Variants in RIMS2 observed in about 807,000 individuals in gnomAD.
RIMS2 encodes regulating synaptic membrane exocytosis protein 2.
In RIMS2, 59 loss-of-function variants were observed where a neutral mutation model predicts 174.4. That is an observed-to-expected ratio of 0.34 (90% CI 0.27 to 0.42). The LOEUF is 0.42. RIMS2 is among the 10% of genes least tolerant of loss of function. RIMS2 has a pLI of 1.00. For synonymous variants in RIMS2, 606 were observed against 572.5 expected, an observed-to-expected ratio of 1.06 and a Z score of -0.84; for missense variants, 1,620 against 1,666.3, an observed-to-expected ratio of 0.97 and a Z score of 0.48.
chr8:103,910,646 ATTTCTTAAGGT>A (rs1271049883), intron 5 of RIMS2, 117 bp downstream of exon 8: 1 of 600,474 alleles, frequency 1.7e-6, no homozygotes, highest in East Asian at 2.8e-5. Flanking sequence ...TCACTGTAGC[ATTTCTTAAGGT>A]GCAGAAAAGA....
At chr8:104,013,673 AT>A in intron 18 of RIMS2, 52 bp downstream of exon 20, 1 of 1,483,842 alleles carries the variant, frequency 6.7e-7, no homozygotes, top group Non-Finnish European at 9.4e-7. Context: ...CCAGCACACC[AT>A]TTTATTTTCC....
At chr8:103,652,657 A>G (rs2096473079) in intron 1 of RIMS2, 3 of 1,350,840 alleles carry the variant, frequency 2.2e-6, no homozygotes, top group Non-Finnish European at 2.9e-6. Context: ...CTGAACTGGT[A>G]AATAACGTTC....
chr8:103,644,335 A>G lies in RIMS2; in HGVS notation c.177-52751A>G, dbSNP rs142048819. On this transcript the variant is annotated intron_variant, in intron 1 of 23. Transcript: ENST00000504942. The stretch of plus-strand genomic sequence containing the variant: ...GGCAGCAGTTTGTGAGGTCACATTA[A>G]TTTCTTGATGACGCTAACAAGAGTT... Among the ~76,000 whole-genome samples, 204 of 152,182 alleles carry G rather than the reference A, an allele frequency of 1.3e-3. 1 individual carries two copies. Among genetic ancestry groups the G allele is most frequent in the African/African-American group, 4.6e-3 (191 of 41,540 alleles).
intron 3 of RIMS2, among the ~76,000 whole-genome samples, chr8:103,793,408 C>G (rs200600515): frequency 6.6e-6 from 1 of 152,042 alleles, no homozygotes; most frequent in East Asian, 1.9e-4. Flanking sequence ...TCTCAATAAA[C>G]TAGGTATAGA....
chr8:103,560,644 G>T (rs990939529), intron 1 of RIMS2, among the ~76,000 whole-genome samples: 1 of 152,166 alleles, frequency 6.6e-6, no homozygotes, highest in Non-Finnish European at 1.5e-5. Context: ...AAGTAATTGG[G>T]CTGTGTGTCA....
chr8:103,565,118 CATT>C (rs1443740504), intron 1 of RIMS2, among the ~76,000 whole-genome samples: 4 of 152,296 alleles, frequency 2.6e-5, no homozygotes, highest in Non-Finnish European at 5.9e-5. Context: ...CATTGTTTCT[CATT>C]AAGATTTACA....
At chr8:104,089,047 G>GCT (rs2097584809) in intron 19 of RIMS2, among the ~76,000 whole-genome samples, 1 of 151,822 alleles carries the variant, frequency 6.6e-6, no homozygotes, top group South Asian at 2.1e-4. Flanking sequence ...ACATTAAAAT[G>GCT]TTGTCCGGAA....
intron 19 of RIMS2, among the ~76,000 whole-genome samples, chr8:104,033,022 G>C (rs2096434205): frequency 6.6e-6 from 1 of 151,882 alleles, no homozygotes; most frequent in Non-Finnish European, 1.5e-5. Flanking sequence ...AGGATGCTTT[G>C]AGAAAATGTA....
intron 11 of RIMS2, among the ~76,000 whole-genome samples, chr8:103,929,923 G>C (rs1222982750): frequency 6.6e-6 from 1 of 151,808 alleles, no homozygotes; most frequent in Non-Finnish European, 1.5e-5. Flanking sequence ...TGCACTTGAG[G>C]ATCACCAGAG....
intron 8 of RIMS2, among the ~76,000 whole-genome samples, chr8:103,916,971 A>T (rs2076736764): frequency 6.6e-6 from 1 of 152,174 alleles, no homozygotes; most frequent in Admixed American, 6.5e-5. Context: ...TTAACAAGGT[A>T]GACAAACAGA....
intron 1 of RIMS2, among the ~76,000 whole-genome samples, chr8:103,618,607 T>G (rs2095559673): frequency 1.3e-5 from 2 of 152,134 alleles, no homozygotes; most frequent in Non-Finnish European, 2.9e-5. Context: ...GACTTTTGTC[T>G]ATCCATCCCA....
At chr8:104,088,155 G>A (rs1206623752) in intron 19 of RIMS2, among the ~76,000 whole-genome samples, 1 of 151,868 alleles carries the variant, frequency 6.6e-6, no homozygotes, top group Admixed American at 6.6e-5. Context: ...TTCAGATCAG[G>A]CACTGATAAG....
At chr8:103,921,734 A>C (rs199861708) in exon 10 of RIMS2, 188 of 1,577,118 alleles carry the variant, frequency 1.2e-4, no homozygotes, top group Non-Finnish European at 1.1e-4. Flanking sequence ...CTCTCCCATG[A>C]GTCCTGGAAT....
intron 19 of RIMS2, among the ~76,000 whole-genome samples, chr8:104,212,126 CTG>C (rs2099108269): frequency 6.6e-6 from 1 of 152,150 alleles, no homozygotes; most frequent in African/African-American, 2.4e-5. Flanking sequence ...ATTGAGAAGT[CTG>C]TGAGTTATTC....
chr8:103,793,075 C>T (rs1398974480), intron 3 of RIMS2, among the ~76,000 whole-genome samples: 1 of 152,184 alleles, frequency 6.6e-6, no homozygotes, highest in Non-Finnish European at 1.5e-5. Context: ...CTCCCTAACT[C>T]ATTGTATGAA....
chr8:104,083,728 T>A (rs1007945718), intron 19 of RIMS2, among the ~76,000 whole-genome samples: 20 of 152,280 alleles, frequency 1.3e-4, no homozygotes, highest in Non-Finnish European at 2.4e-4. Flanking sequence ...GGGGCTTGGA[T>A]AGACATGAAA....
chr8:104,093,753 G>A, intron 19 of RIMS2, 110 bp downstream of exon 24: 1 of 809,942 alleles, frequency 1.2e-6, no homozygotes, highest in Non-Finnish European at 1.8e-6. Context: ...ATATTTTAAA[G>A]CCAGGGGAGC....
rs892965903 is a variant in RIMS2 at position 103,876,011 on chromosome 8, T to C, written c.699-9287T>C. Among the ~76,000 whole-genome samples the C allele has an allele frequency of 2.0e-5, 3 of 152,058 alleles. No homozygotes were observed. In the Admixed American group the frequency reaches 2.0e-4, roughly 10 times the overall value. ...CCTTGTACAATCTAGATATTCATCC[T>C]TTGTTGCATATACAGTTTGTGAATA... On this transcript the variant is annotated intron_variant, in intron 3 of 23. Coordinates refer to ENST00000504942, the Ensembl canonical transcript of RIMS2.
At chr8:103,926,252 A>G (rs2078754648) in intron 10 of RIMS2, among the ~76,000 whole-genome samples, 1 of 151,598 alleles carries the variant, frequency 6.6e-6, no homozygotes, top group Non-Finnish European at 1.5e-5. Flanking sequence ...TACCTTGTTT[A>G]GTCCCTTTCT....
Sources: gnomAD v4.1 joint callset for allele counts (sites outside exome capture counted in the v4.1 genomes callset) on GRCh38, gnomAD v4.1.1 for gene constraint, MANE v1.5 for transcripts, NCBI Gene and HGNC (gene_info 2026-07-23, HGNC 2026-07-21) for gene names.